The following NAALADL2 variants were observed in gnomAD, a reference collection of about 807,000 sequenced individuals.
The protein encoded by NAALADL2 is inactive N-acetylated-alpha-linked acidic dipeptidase-like protein 2.
Under a neutral mutation model 87.2 loss-of-function variants are expected in NAALADL2, and 76 were observed. The observed-to-expected ratio is 0.87, with a 90% CI of 0.72 to 1.05. The LOEUF is 1.05. Ranked by LOEUF, NAALADL2 falls within the 50% of genes least tolerant of loss-of-function variation. The probability of loss-of-function intolerance (pLI) is 0.00; values close to 1 mark genes in which losing one functional copy is unlikely to be tolerated. For synonymous variants in NAALADL2, 354 were observed against 331.0 expected, an observed-to-expected ratio of 1.07 and a Z score of -0.75; for missense variants, 1,089 against 945.8, an observed-to-expected ratio of 1.15 and a Z score of -1.99.
At chr3:174,950,447 T>C (rs990209760) in intron 1 of NAALADL2, among the ~76,000 whole-genome samples, 6 of 152,254 alleles carry the variant, frequency 3.9e-5, no homozygotes, top group African/African-American at 1.4e-4. Flanking sequence ...TACATATACA[T>C]GATTCTATTC....
chr3:174,918,291 A>C lies in NAALADL2; in HGVS notation c.43+58841A>C, dbSNP rs139184376. Among the ~76,000 whole-genome samples, 12 of 152,276 alleles carry C rather than the reference A, an allele frequency of 7.9e-5. No homozygotes were observed. The East Asian group carries it at 2.3e-3, about 29-fold the overall frequency. On this transcript the variant is annotated intron_variant, in intron 1 of 13. Transcript: ENST00000454872. ...AAACAGTAGTGCATACTATAAAAAA[A>C]TATATTTTGGAGTCAGTGTATCAGT...
chr3:174,993,570 G>A (rs1460402669), intron 1 of NAALADL2, among the ~76,000 whole-genome samples: 1 of 152,154 alleles, frequency 6.6e-6, no homozygotes, highest in Non-Finnish European at 1.5e-5. Context: ...CTTCTTAGGG[G>A]CGGTGGCTCA....
At chr3:175,697,579 G>C (rs2149944044) in intron 11 of NAALADL2, among the ~76,000 whole-genome samples, 1 of 151,554 alleles carries the variant, frequency 6.6e-6, no homozygotes, top group Admixed American at 6.6e-5. Flanking sequence ...TTAGAGTTAT[G>C]GGATAACTCT....
chr3:175,421,759 A>T (rs1466981263), intron 5 of NAALADL2, among the ~76,000 whole-genome samples: 1 of 152,094 alleles, frequency 6.6e-6, no homozygotes, highest in Non-Finnish European at 1.5e-5. Flanking sequence ...AAAGCAGAGT[A>T]AGGGAATAAA....
chr3:175,032,424 T>C (rs1752907476), intron 1 of NAALADL2, among the ~76,000 whole-genome samples: 2 of 152,086 alleles, frequency 1.3e-5, no homozygotes, highest in African/African-American at 2.4e-5. Flanking sequence ...TCAAGAATTA[T>C]ATTGCTCATT....
At chr3:175,696,799 A>G (rs1478626818) in intron 11 of NAALADL2, among the ~76,000 whole-genome samples, 1 of 152,166 alleles carries the variant, frequency 6.6e-6, no homozygotes, top group Non-Finnish European at 1.5e-5. Context: ...GAAGTCCAAG[A>G]ACATGGCACC....
intron 2 of NAALADL2, among the ~76,000 whole-genome samples, chr3:174,586,244 C>T (rs1373224893): frequency 6.6e-6 from 1 of 152,144 alleles, no homozygotes; most frequent in Non-Finnish European, 1.5e-5. Context: ...AGATGGTATT[C>T]AGTTGTACAG....
At chr3:174,822,665 A>T (rs1447056847) in intron 3 of NAALADL2, among the ~76,000 whole-genome samples, 3 of 152,124 alleles carry the variant, frequency 2.0e-5, no homozygotes, top group Non-Finnish European at 4.4e-5. Context: ...TATATCACCT[A>T]TGCTATAGGT....
intron 4 of NAALADL2, among the ~76,000 whole-genome samples, chr3:175,282,176 G>GT (rs1462273310): frequency 1.3e-5 from 2 of 152,000 alleles, no homozygotes; most frequent in African/African-American, 4.8e-5. Context: ...GACTGAAACA[G>GT]TTTTTTCTAT....
chr3:174,555,658 A>G (rs142217908), intron 2 of NAALADL2, among the ~76,000 whole-genome samples: 1 of 152,292 alleles, frequency 6.6e-6, no homozygotes, highest in African/African-American at 2.4e-5. Context: ...AAAGGGTGTG[A>G]TCTGATGGTA....
Position 174,930,811 on chromosome 3 carries a change from A to T in NAALADL2, c.43+71361A>T, listed in dbSNP as rs367680381. Among the ~76,000 whole-genome samples the T allele has an allele frequency of 5.0e-4, 75 of 151,236 alleles. 2 individuals are homozygous for T. The South Asian group carries it at 0.015, about 31-fold the overall frequency. ...TAATTTTTTTGTATTTTTATTAGAG[A>T]CGGGGTTTCATCGTGTTAGCCGGGA... On this transcript the variant is annotated intron_variant, in intron 1 of 13. Transcript: ENST00000454872.
At chr3:174,927,199 T>C (rs1205331706) in intron 1 of NAALADL2, among the ~76,000 whole-genome samples, 1 of 152,116 alleles carries the variant, frequency 6.6e-6, no homozygotes, top group Non-Finnish European at 1.5e-5. Context: ...AGCACCCAGA[T>C]TCATAAAGCA....
chr3:174,548,733 T>C (rs1174939665), intron 1 of NAALADL2, among the ~76,000 whole-genome samples: 1 of 152,230 alleles, frequency 6.6e-6, no homozygotes, highest in Non-Finnish European at 1.5e-5. Flanking sequence ...CTGACTCCTA[T>C]CATTTTTATT....
In NAALADL2 at chr3:175,409,556, A is replaced by T. The variant is rs181351873; in HGVS notation, c.1091-37673A>T. On this transcript the variant is annotated intron_variant, in intron 5 of 13. Coordinates refer to ENST00000454872, the MANE Select transcript of NAALADL2 (RefSeq NM_207015.3). The stretch of plus-strand genomic sequence containing the variant: ...ACTTGAAATAATATATATAAGTATA[A>T]GATTACAAGAAATCTAGGTGTAATT... Among the ~76,000 whole-genome samples the T allele has an allele frequency of 3.0e-3, 455 of 152,068 alleles. 2 individuals carry two copies. In the Middle Eastern group the frequency reaches 0.061, roughly 20 times the overall value.
At chr3:174,861,795 A>G (rs1199168433) in intron 1 of NAALADL2, among the ~76,000 whole-genome samples, 1 of 152,026 alleles carries the variant, frequency 6.6e-6, no homozygotes, top group African/African-American at 2.4e-5. Context: ...TTTTCTGTAC[A>G]TCTCTGACCC....
intron 3 of NAALADL2, among the ~76,000 whole-genome samples, chr3:174,842,052 CT>C (rs10575010): frequency 0.35 from 49,354 of 142,208 alleles, 8,263 homozygotes; most frequent in African/African-American, 0.44. Context: ...TACATTTAAA[CT>C]TTTTTTTTTT....
intron 3 of NAALADL2, among the ~76,000 whole-genome samples, chr3:174,815,395 C>T (rs1720673864): frequency 6.6e-6 from 1 of 151,888 alleles, no homozygotes. Flanking sequence ...CATCATCTTC[C>T]TTCTGTACAT....
At chr3:174,604,189 C>T (rs1173603668) in intron 2 of NAALADL2, among the ~76,000 whole-genome samples, 1 of 152,080 alleles carries the variant, frequency 6.6e-6, no homozygotes, top group African/African-American at 2.4e-5. Context: ...GGGTCTCTAA[C>T]TATTATTGTA....
intron 2 of NAALADL2, among the ~76,000 whole-genome samples, chr3:175,134,288 T>C (rs1728736325): frequency 6.6e-6 from 1 of 152,268 alleles, no homozygotes; most frequent in East Asian, 1.9e-4. Flanking sequence ...TAGTCAAAGC[T>C]TAACCTGTAT....
Sources: allele counts gnomAD v4.1 joint callset (sites outside exome capture counted in the v4.1 genomes callset), GRCh38; gene constraint gnomAD v4.1.1; transcripts MANE v1.5; gene names NCBI Gene and HGNC (gene_info 2026-07-23, HGNC 2026-07-21).